Variants in SMYD1 observed in about 807,000 individuals in gnomAD.
SMYD1 encodes histone-lysine N-methyltransferase SMYD1.
A neutral mutation model predicts 54.0 loss-of-function variants in SMYD1; 49 were observed. The observed-to-expected ratio is 0.91, with a 90% CI of 0.72 to 1.15. SMYD1 has a LOEUF of 1.15. SMYD1 is among the 50% of genes most tolerant of loss of function. The probability of loss-of-function intolerance (pLI) is 0.00; values close to 1 mark genes in which losing one functional copy is unlikely to be tolerated. For synonymous variants in SMYD1, 269 were observed against 234.2 expected (o/e 1.15, Z -1.36); for missense variants, 653 against 639.6 (o/e 1.02, Z -0.23).
chr2:88,083,432 G>C (rs113702357), intron 1 of SMYD1, among the ~76,000 whole-genome samples: 2 of 152,028 alleles, frequency 1.3e-5, no homozygotes, highest in Non-Finnish European at 2.9e-5. Context: ...AGCACCGGGC[G>C]GGGATCCTCA....
chr2:88,090,120 G>A (rs1045142745), intron 3 of SMYD1, among the ~76,000 whole-genome samples: 1 of 152,204 alleles, frequency 6.6e-6, no homozygotes, highest in African/African-American at 2.4e-5. Context: ...AGTACAGCTT[G>A]TTAGTGGTAC....
rs1247440654 is a variant in SMYD1 at position 88,110,557 on chromosome 2, A to G, written c.*45A>G. 6.6e-7 allele frequency: 1 copy of G among 1,507,702 alleles called. No homozygotes were observed. The highest frequency in any genetic ancestry group is 8.9e-7 in the Non-Finnish European group (1 of 1,121,238). 93.4% of individuals were successfully genotyped at this position (1,507,702 alleles called of 1,614,324 possible). A position where few individuals can be genotyped will look rare whatever the true frequency, so the allele number is the denominator to read the frequency against. On this transcript the variant is annotated 3_prime_UTR_variant, in exon 10 of 10. Transcript: ENST00000419482. ...GGGCGATGTGGCTGGGGAGCTAGGG[A>G]GAGACTCTGGAGGTGGTGGGTCTCT...
intron 5 of SMYD1, among the ~76,000 whole-genome samples, chr2:88,094,373 C>G (rs544480880): frequency 6.6e-6 from 1 of 152,206 alleles, no homozygotes; most frequent in Admixed American, 6.5e-5. Context: ...GTGAGAAATA[C>G]TTAAATAGGC....
At chr2:88,085,723 G>A (rs368525957) in intron 2 of SMYD1, among the ~76,000 whole-genome samples, 37 of 152,282 alleles carry the variant, frequency 2.4e-4, no homozygotes, top group African/African-American at 8.4e-4. Flanking sequence ...TTTGGAGGCA[G>A]CAGATCTTCC....
intron 5 of SMYD1, among the ~76,000 whole-genome samples, chr2:88,093,935 C>T (rs2970905): frequency 0.11 from 17,137 of 152,144 alleles, 1,070 homozygotes; most frequent in Middle Eastern, 0.18. Flanking sequence ...TTTATAAGCC[C>T]CAACTTCTCA....
chr2:88,090,918 C>A, intron 3 of SMYD1, 94 bp from the exon 4 acceptor site: 1 of 1,416,686 alleles, frequency 7.1e-7, no homozygotes, highest in Non-Finnish European at 9.6e-7. Flanking sequence ...CAGGGTGAGA[C>A]TGGGTCTTCT....
At chr2:88,094,093 G>A (rs1357564528) in intron 5 of SMYD1, among the ~76,000 whole-genome samples, 1 of 98,854 alleles carries the variant, frequency 1.0e-5, no homozygotes, top group Non-Finnish European at 2.1e-5. Context: ...AATGGCCCCA[G>A]ATGGGTCTTA....
chr2:88,108,119 CT>C (rs1297870733), intron 8 of SMYD1, among the ~76,000 whole-genome samples: 3 of 152,202 alleles, frequency 2.0e-5, no homozygotes, highest in Admixed American at 2.0e-4. Flanking sequence ...ATCCTGGTCC[CT>C]TTTTCTCACA....
intron 9 of SMYD1, 128 bp downstream of exon 9, chr2:88,108,667 AACGCTTTAGCCCAC>A: frequency 4.4e-6 from 4 of 907,824 alleles, no homozygotes; most frequent in Non-Finnish European, 6.3e-6. Context: ...GGAACTCAGA[AACGCTTTAGCCCAC>A]TACCCTTGTG....
chr2:88,078,570 T>C (rs1422623758), intron 1 of SMYD1, among the ~76,000 whole-genome samples: 2 of 149,482 alleles, frequency 1.3e-5, no homozygotes, highest in African/African-American at 2.5e-5. Context: ...TGAGGGGAGA[T>C]GGGAACCAGA....
chr2:88,087,784 T>C, intron 2 of SMYD1, 78 bp from the exon 3 acceptor site: 4 of 1,278,700 alleles, frequency 3.1e-6, no homozygotes, highest in Non-Finnish European at 4.2e-6. Context: ...GTGCCTGGCA[T>C]GCATGAGACA....
At chr2:88,076,561 T>A (rs1476929808) in intron 1 of SMYD1, among the ~76,000 whole-genome samples, 2 of 151,902 alleles carry the variant, frequency 1.3e-5, no homozygotes. Flanking sequence ...CCTAGCTCAA[T>A]GCACATAACA....
Position 88,081,440 on chromosome 2 carries a change from C to CTT in SMYD1, c.138-2863_138-2862dup, listed in dbSNP as rs1165739190. On this transcript the variant is annotated intron_variant, in intron 1 of 9. Coordinates refer to ENST00000419482, the MANE Select transcript of SMYD1 (RefSeq NM_198274.4). ...ATTTGTAATTTGACCCTAATTTTTT[C>CTT]TTTTTTTTTTTTTTGAGACAGAGTC... Among the ~76,000 whole-genome samples, 651 of 140,332 alleles carry CTT rather than the reference C, an allele frequency of 4.6e-3. 5 individuals are homozygous for CTT. Among genetic ancestry groups the CTT allele is most frequent in the African/African-American group, 0.016 (608 of 38,402 alleles). 92.1% of individuals were successfully genotyped at this position (140,332 alleles called of 152,430 possible).
At chr2:88,098,349 A>C (rs1674649166) in intron 6 of SMYD1, among the ~76,000 whole-genome samples, 1 of 152,142 alleles carries the variant, frequency 6.6e-6, no homozygotes, top group African/African-American at 2.4e-5. Context: ...TTTAGTTCCC[A>C]TCCCTTCACT....
intron 7 of SMYD1, among the ~76,000 whole-genome samples, chr2:88,105,382 C>T (rs930096162): frequency 2.3e-4 from 35 of 151,748 alleles, no homozygotes; most frequent in African/African-American, 4.4e-4. Context: ...CATATATACA[C>T]ACACACACAC....
intron 6 of SMYD1, among the ~76,000 whole-genome samples, chr2:88,100,023 C>T (rs1284999326): frequency 6.6e-6 from 1 of 150,856 alleles, no homozygotes; most frequent in Admixed American, 6.6e-5. Context: ...CTCAGATCCC[C>T]CACCTCCTGC....
At chr2:88,074,037 G>A (rs903963402) in intron 1 of SMYD1, among the ~76,000 whole-genome samples, 1 of 152,174 alleles carries the variant, frequency 6.6e-6, no homozygotes, top group African/African-American at 2.4e-5. Context: ...GAGAGAGAAA[G>A]AGAGAGGGAA....
At chr2:88,105,080 T>C (rs1216422248) in intron 7 of SMYD1, among the ~76,000 whole-genome samples, 1 of 152,180 alleles carries the variant, frequency 6.6e-6, no homozygotes, top group African/African-American at 2.4e-5. Context: ...CTCCCAGATA[T>C]TTGGTTTCAA....
chr2:88,091,032 T>A lies in SMYD1; in HGVS notation c.549T>A (p.Thr183=). 1 of 1,614,052 alleles carries A rather than the reference T, an allele frequency of 6.2e-7. No homozygotes were observed. The highest frequency in any genetic ancestry group is 8.5e-7 in the Non-Finnish European group (1 of 1,179,964). ...GGTAGATTAACTGCAACGGTTTTAC[T>A]CTCAGTGATCAGAGAGGCCTGCAGG... ...IFGVINCNGF[T]LSDQRGLQAV... is the part of the protein sequence containing the mutation. The change falls in exon 4 of 10, where the codon ACT becomes ACA. Residue 183 remains threonine, a synonymous_variant. Coordinates refer to ENST00000419482, the MANE Select transcript of SMYD1 (RefSeq NM_198274.4).
Sources: allele counts gnomAD v4.1 joint callset (sites outside exome capture counted in the v4.1 genomes callset), GRCh38; gene constraint gnomAD v4.1.1; transcripts MANE v1.5; gene names NCBI Gene and HGNC (gene_info 2026-07-23, HGNC 2026-07-21).